The following HACD2 variants were observed in gnomAD, a reference collection of about 807,000 sequenced individuals.
HACD2 encodes very-long-chain (3R)-3-hydroxyacyl-CoA dehydratase 2.
In HACD2, 15 loss-of-function variants were observed where a neutral mutation model predicts 31.0. That is an observed-to-expected ratio of 0.48 (90% CI 0.32 to 0.75). The LOEUF (loss-of-function observed/expected upper bound fraction) is 0.75, where lower values mean the gene tolerates loss of function less well. Among genes scored for constraint, HACD2 ranks in the 30% least tolerant of loss-of-function variants. The pLI, the probability that HACD2 is intolerant of heterozygous loss-of-function variation, is 0.03. For missense variants in HACD2, 283 were observed against 313.0 expected (o/e 0.90, Z 0.72); for synonymous variants, 115 against 122.2 (o/e 0.94, Z 0.39).
intron 4 of HACD2, 77 bp from the exon 5 acceptor site, chr3:123,502,758 C>G: frequency 6.8e-7 from 1 of 1,476,664 alleles, no homozygotes; most frequent in Non-Finnish European, 9.1e-7. Flanking sequence ...CCCGGCAGAG[C>G]CAGGGAGTGA....
intron 2 of HACD2, among the ~76,000 whole-genome samples, chr3:123,570,859 C>T (rs1264318536): frequency 3.3e-5 from 5 of 151,366 alleles, no homozygotes; most frequent in Admixed American, 6.6e-5. Context: ...TAGGACAAAA[C>T]AGAAGACGAG....
intron 3 of HACD2, among the ~76,000 whole-genome samples, chr3:123,549,337 T>C (rs1249853213): frequency 6.6e-6 from 1 of 152,164 alleles, no homozygotes; most frequent in African/African-American, 2.4e-5. Flanking sequence ...AAATACTCTT[T>C]ACTGAACTCA....
At chr3:123,534,210 A>G in intron 3 of HACD2, among the ~76,000 whole-genome samples, 1 of 152,188 alleles carries the variant, frequency 6.6e-6, no homozygotes, top group Non-Finnish European at 1.5e-5. Flanking sequence ...AGGTTAGTGA[A>G]GTTGGGAGAC....
rs1056585985 is a variant in HACD2, at chr3:123,528,610, C to A, written c.293-136G>T. 8 of 609,370 alleles carry A rather than the reference C, an allele frequency of 1.3e-5. 1 individual carries two copies. In the South Asian group the frequency reaches 1.5e-4, roughly 11 times the overall value. The allele number at this position is 609,370 out of a possible 1,614,324, so 37.7% of individuals were successfully genotyped here. A position where few individuals can be genotyped will look rare whatever the true frequency, so the allele number is the denominator to read the frequency against. ...CAACTGAAAGGTGTCTATATTGTTA[C>A]ACAGACTAAGTTTTCAATGTAGTCC... is the stretch of plus-strand genomic sequence containing the variant. On this transcript the variant is annotated intron_variant, in intron 3 of 6. Coordinates refer to ENST00000383657, the MANE Select transcript of HACD2 (RefSeq NM_198402.5).
rs551131203 is a variant in HACD2 at position 123,561,124 on chromosome 3, G to T, written c.292+6638C>A. Among the ~76,000 whole-genome samples the T allele has an allele frequency of 2.0e-5, 3 of 152,298 alleles. No homozygotes were observed. The East Asian group carries it at 5.8e-4, about 29-fold the overall frequency. On this transcript the variant is annotated intron_variant, in intron 3 of 6. Transcript: ENST00000383657. Reference sequence around the variant, plus strand: ...GTGTTACAGTTCAAGGGAGGATTCAGTTAGCTCTAATTAGTGGGCTGGAAA... The same window carrying T: ...GTGTTACAGTTCAAGGGAGGATTCATTTAGCTCTAATTAGTGGGCTGGAAA...
At chr3:123,525,572 TA>T (rs552830581) in intron 4 of HACD2, among the ~76,000 whole-genome samples, 45 of 152,322 alleles carry the variant, frequency 3.0e-4, no homozygotes, top group African/African-American at 1.1e-3. Context: ...AAAGGTTATA[TA>T]GGCTACACCC....
intron 3 of HACD2, among the ~76,000 whole-genome samples, chr3:123,547,468 AAC>A (rs1174624173): frequency 6.6e-6 from 1 of 152,222 alleles, no homozygotes; most frequent in African/African-American, 2.4e-5. Flanking sequence ...GAGAACACTG[AAC>A]ACAGCTCACA....
intron 3 of HACD2, among the ~76,000 whole-genome samples, chr3:123,539,991 A>G (rs2056469794): frequency 7.0e-6 from 1 of 143,374 alleles, no homozygotes; most frequent in African/African-American, 2.5e-5. Flanking sequence ...GGAGGCTGAG[A>G]CGGGAGGATC....
chr3:123,537,446 T>TA (rs1211350713), intron 3 of HACD2, among the ~76,000 whole-genome samples: 4 of 151,936 alleles, frequency 2.6e-5, no homozygotes, highest in African/African-American at 9.7e-5. Flanking sequence ...CATGTGTCCG[T>TA]AATCCCAGCT....
chr3:123,553,598 A>T (rs1239598611), intron 3 of HACD2, among the ~76,000 whole-genome samples: 1 of 152,188 alleles, frequency 6.6e-6, no homozygotes, highest in African/African-American at 2.4e-5. Context: ...AGCAACCTGG[A>T]AGGATAAGGC....
intron 3 of HACD2, among the ~76,000 whole-genome samples, chr3:123,530,906 C>T (rs1191208072): frequency 1.3e-5 from 2 of 151,968 alleles, no homozygotes; most frequent in Non-Finnish European, 2.9e-5. Context: ...TCACTCCTGT[C>T]GCCCAGGCTG....
intron 3 of HACD2, among the ~76,000 whole-genome samples, chr3:123,542,146 CAA>C (rs11391480): frequency 4.9e-3 from 203 of 41,056 alleles, no homozygotes; most frequent in African/African-American, 0.03. Flanking sequence ...GACTCCGTCT[CAA>C]AAAAAAAAAA....
chr3:123,539,013 T>C (rs2056457678), intron 3 of HACD2, among the ~76,000 whole-genome samples: 1 of 152,342 alleles, frequency 6.6e-6, no homozygotes, highest in Non-Finnish European at 1.5e-5. Flanking sequence ...ATAGGAATTT[T>C]ACCCCTACAT....
chr3:123,518,046 G>GATTTTGCACTACTGAATCTGT lies in HACD2; in HGVS notation c.381+10339_381+10340insACAGATTCAGTAGTGCAAAAT, dbSNP rs2056168487. Among the ~76,000 whole-genome samples the GATTTTGCACTACTGAATCTGT allele has an allele frequency of 1.7e-4, 2 of 11,552 alleles. 1 individual carries two copies. Among genetic ancestry groups the GATTTTGCACTACTGAATCTGT allele is most frequent in the African/African-American group, 1.8e-4 (2 of 10,828 alleles). 7.6% of individuals were successfully genotyped at this position (11,552 alleles called of 152,430 possible). On this transcript the variant is annotated intron_variant, in intron 4 of 6. Coordinates refer to ENST00000383657, the MANE Select transcript of HACD2 (RefSeq NM_198402.5). ...TCTCTACTAAAAATACAAAAAATTA[G>GATTTTGCACTACTGAATCTGT]CCGGGCGTAGTGGCGGGCGCCTGTG... is the stretch of plus-strand genomic sequence containing the variant.
chr3:123,553,120 A>C (rs939304393), intron 3 of HACD2, among the ~76,000 whole-genome samples: 3 of 152,234 alleles, frequency 2.0e-5, no homozygotes, highest in African/African-American at 7.2e-5. Context: ...CCTATTGGGT[A>C]TCTGGGAAAA....
At chr3:123,583,559 A>G (rs895578230) in intron 1 of HACD2, among the ~76,000 whole-genome samples, 1 of 152,154 alleles carries the variant, frequency 6.6e-6, no homozygotes, top group African/African-American at 2.4e-5. Context: ...AAGTTCTATG[A>G]TCTCATGCAA....
Position 123,492,350 on chromosome 3 carries a change from C to T in HACD2, c.*2538G>A, listed in dbSNP as rs1267638826. 3.3e-5 allele frequency: 5 copies of T among 152,334 alleles called. No homozygotes were observed. The South Asian group carries it at 8.3e-4, about 25-fold the overall frequency. The allele number at this position is 152,334 out of a possible 1,614,324, so 9.4% of individuals were successfully genotyped here. ...ACCTCTAAGTCTGACAAAATACCCACAAAAACATGACCTTCCTTGTTCACA... is the reference window on the plus strand; with the variant it reads ...ACCTCTAAGTCTGACAAAATACCCATAAAAACATGACCTTCCTTGTTCACA... On this transcript the variant is annotated 3_prime_UTR_variant, in exon 7 of 7. Transcript: ENST00000383657.
At chr3:123,517,226 G>C (rs1299242720) in intron 4 of HACD2, among the ~76,000 whole-genome samples, 1 of 152,166 alleles carries the variant, frequency 6.6e-6, no homozygotes, top group African/African-American at 2.4e-5. Flanking sequence ...TGTTGCCCAA[G>C]CATTGTTTAA....
At chr3:123,544,240 C>T (rs1296786631) in intron 3 of HACD2, among the ~76,000 whole-genome samples, 2 of 152,114 alleles carry the variant, frequency 1.3e-5, no homozygotes, top group African/African-American at 4.8e-5. Flanking sequence ...TGTCAAAGTA[C>T]TGCAGAGGCT....
Sources: allele counts gnomAD v4.1 joint callset (sites outside exome capture counted in the v4.1 genomes callset), GRCh38; gene constraint gnomAD v4.1.1; transcripts MANE v1.5; gene names NCBI Gene and HGNC (gene_info 2026-07-23, HGNC 2026-07-21).